Variants in PIK3C2G observed in about 807,000 individuals in gnomAD.
The protein encoded by PIK3C2G is phosphatidylinositol 3-kinase C2 domain-containing subunit gamma.
In PIK3C2G, 168 loss-of-function variants were observed where a neutral mutation model predicts 181.1. The observed-to-expected ratio is 0.93, with a 90% CI of 0.82 to 1.05. The LOEUF is 1.05. Among genes scored for constraint, PIK3C2G ranks in the 50% least tolerant of loss-of-function variants. The probability of loss-of-function intolerance (pLI) is 0.00; values close to 1 mark genes in which losing one functional copy is unlikely to be tolerated. For synonymous variants in PIK3C2G, 573 were observed against 592.2 expected (o/e 0.97, Z 0.47); for missense variants, 1,869 against 1,732.8 (o/e 1.08, Z -1.40).
chr12:18,549,832 G>A lies in PIK3C2G; in HGVS notation c.3590+3400G>A, dbSNP rs1223471449. ...TTCCAGATCTGCTTTGCTGCCCTGA[G>A]AGACCCCTAAAGGGTAACTTGGCAG... On this transcript the variant is annotated intron_variant, in intron 26 of 32. Transcript: ENST00000538779. Among the ~76,000 whole-genome samples the A allele has an allele frequency of 3.6e-4, 54 of 151,932 alleles. 1 individual carries two copies. The highest frequency in any genetic ancestry group is 3.5e-3 in the Admixed American group (54 of 15,222).
At chr12:18,583,228 G>T (rs926094459) in intron 29 of PIK3C2G, among the ~76,000 whole-genome samples, 5 of 152,148 alleles carry the variant, frequency 3.3e-5, no homozygotes, top group Non-Finnish European at 2.9e-5. Flanking sequence ...AGAGAGAAGG[G>T]CAAGCCACTA....
intron 8 of PIK3C2G, among the ~76,000 whole-genome samples, chr12:18,327,377 A>G (rs1320464100): frequency 6.6e-6 from 1 of 152,068 alleles, no homozygotes; most frequent in Non-Finnish European, 1.5e-5. Flanking sequence ...TTTTTTTCAT[A>G]TTTCCCAAAC....
chr12:18,498,416 C>T (rs1257109030), intron 22 of PIK3C2G, among the ~76,000 whole-genome samples: 1 of 152,150 alleles, frequency 6.6e-6, no homozygotes, highest in Non-Finnish European at 1.5e-5. Flanking sequence ...AAAGAGACAA[C>T]AATATCTAAG....
intron 24 of PIK3C2G, among the ~76,000 whole-genome samples, chr12:18,530,985 A>T (rs962355917): frequency 6.6e-6 from 1 of 152,178 alleles, no homozygotes; most frequent in African/African-American, 2.4e-5. Context: ...TAGACCTAAA[A>T]ATACTTATTC....
intron 26 of PIK3C2G, among the ~76,000 whole-genome samples, chr12:18,557,930 A>G (rs1945095237): frequency 6.6e-6 from 1 of 152,172 alleles, no homozygotes; most frequent in Non-Finnish European, 1.5e-5. Context: ...ATATTCTCCA[A>G]ATTGATTTCT....
intron 29 of PIK3C2G, among the ~76,000 whole-genome samples, chr12:18,574,649 A>C (rs1264881488): frequency 6.6e-6 from 1 of 152,188 alleles, no homozygotes; most frequent in African/African-American, 2.4e-5. Context: ...TTATACCTTG[A>C]CTTAAGAGAC....
intron 26 of PIK3C2G, 83 bp from the exon 27 acceptor site, chr12:18,562,620 C>A: frequency 1.2e-6 from 1 of 831,604 alleles, no homozygotes; most frequent in Non-Finnish European, 1.9e-6. Flanking sequence ...CTCATACTGA[C>A]AAACACAAGG....
chr12:18,349,048 G>A (rs560975182), intron 11 of PIK3C2G, among the ~76,000 whole-genome samples: 19 of 152,308 alleles, frequency 1.2e-4, no homozygotes, highest in South Asian at 4.1e-4. Context: ...TCAGGCCATA[G>A]AGTTGGCTTT....
intron 18 of PIK3C2G, among the ~76,000 whole-genome samples, chr12:18,460,649 G>T (rs1249465945): frequency 1.2e-4 from 14 of 115,106 alleles, no homozygotes; most frequent in African/African-American, 4.0e-4. Flanking sequence ...TATATATATA[G>T]CACTTAGCAC....
intron 1 of PIK3C2G, among the ~76,000 whole-genome samples, chr12:18,253,083 C>T (rs547870860): frequency 4.3e-4 from 66 of 152,142 alleles, no homozygotes; most frequent in African/African-American, 1.4e-3. Context: ...TAGATCTATG[C>T]GTCTCACTGT....
At chr12:18,428,327 G>T (rs556720853) in intron 18 of PIK3C2G, among the ~76,000 whole-genome samples, 28 of 146,082 alleles carry the variant, frequency 1.9e-4, no homozygotes, top group Middle Eastern at 3.5e-3. Context: ...TTAAAAAAAA[G>T]TCTTATTTAA....
chr12:18,691,010 G>A, the PIK3C2G span, among the ~76,000 whole-genome samples: 1 of 152,120 alleles, frequency 6.6e-6, no homozygotes, highest in Admixed American at 6.6e-5. Flanking sequence ...TAGATATGGA[G>A]GACTGAGACA....
intron 21 of PIK3C2G, 27 bp from the exon 22 acceptor site, chr12:18,497,592 C>T (rs1941118582): frequency 6.3e-7 from 1 of 1,589,698 alleles, no homozygotes; most frequent in African/African-American, 1.4e-5. Flanking sequence ...AGGAAAAACC[C>T]AGGGTCTATA....
intron 14 of PIK3C2G, among the ~76,000 whole-genome samples, chr12:18,389,469 C>T (rs1446425156): frequency 6.6e-6 from 1 of 152,116 alleles, no homozygotes; most frequent in Non-Finnish European, 1.5e-5. Context: ...TGAAGCGCAG[C>T]TTTGGGGTGC....
chr12:18,323,177 T>C (rs926478422), intron 7 of PIK3C2G, among the ~76,000 whole-genome samples: 3 of 152,098 alleles, frequency 2.0e-5, no homozygotes, highest in South Asian at 2.1e-4. Context: ...TGATGGCCAG[T>C]GTGCAGTTGC....
chr12:18,581,909 G>A (rs1161293205), intron 29 of PIK3C2G, among the ~76,000 whole-genome samples: 1 of 152,126 alleles, frequency 6.6e-6, no homozygotes, highest in Non-Finnish European at 1.5e-5. Context: ...AATCAACAAA[G>A]GAGGCTGAGC....
intron 31 of PIK3C2G, among the ~76,000 whole-genome samples, chr12:18,633,449 C>T (rs574534435): frequency 6.6e-6 from 1 of 152,328 alleles, no homozygotes; most frequent in African/African-American, 2.4e-5. Flanking sequence ...ATCCTTTATT[C>T]TATTTGCCTT....
At chr12:18,444,890 GT>G (rs1228215760) in intron 18 of PIK3C2G, among the ~76,000 whole-genome samples, 1 of 152,074 alleles carries the variant, frequency 6.6e-6, no homozygotes, top group Non-Finnish European at 1.5e-5. Context: ...ATTATGTTCA[GT>G]TTTTGTCCTT....
At chr12:18,507,320 T>G (rs1941898991) in intron 24 of PIK3C2G, among the ~76,000 whole-genome samples, 1 of 152,156 alleles carries the variant, frequency 6.6e-6, no homozygotes, top group South Asian at 2.1e-4. Context: ...TGAGCCACCG[T>G]GCCTGGCCTT....
Sources: gnomAD v4.1 joint callset for allele counts (sites outside exome capture counted in the v4.1 genomes callset) on GRCh38, gnomAD v4.1.1 for gene constraint, MANE v1.5 for transcripts, NCBI Gene and HGNC (gene_info 2026-07-23, HGNC 2026-07-21) for gene names.